Variants in LINGO2 observed in about 807,000 individuals in gnomAD.
LINGO2 encodes leucine rich repeat and Ig domain containing 2.
LINGO2 carries 14 observed loss-of-function variants against 30.6 expected under a neutral mutation model. That is an observed-to-expected ratio of 0.46 (90% CI 0.30 to 0.72). The LOEUF (loss-of-function observed/expected upper bound fraction) is 0.72, where lower values mean the gene tolerates loss of function less well. LINGO2 is among the 30% of genes least tolerant of loss of function. The probability of loss-of-function intolerance (pLI) is 0.07; values close to 1 mark genes in which losing one functional copy is unlikely to be tolerated. For synonymous variants in LINGO2, 317 were observed against 288.5 expected, an observed-to-expected ratio of 1.10 and a Z score of -1.00; for missense variants, 729 against 751.7, an observed-to-expected ratio of 0.97 and a Z score of 0.35.
chr9:29,085,658 A>C, the LINGO2 span, among the ~76,000 whole-genome samples: 3 of 152,286 alleles, frequency 2.0e-5, no homozygotes, highest in East Asian at 5.8e-4. Context: ...AGCCCTATCA[A>C]GCTAAATACT....
At chr9:28,679,222 T>C in the LINGO2 span, among the ~76,000 whole-genome samples, 2 of 152,112 alleles carry the variant, frequency 1.3e-5, no homozygotes, top group Non-Finnish European at 2.9e-5. Context: ...AAAATTCTAA[T>C]ATAATATTTC....
chr9:28,480,612 T>G (rs1825921928), intron 1 of LINGO2, among the ~76,000 whole-genome samples: 1 of 152,076 alleles, frequency 6.6e-6, no homozygotes, highest in Non-Finnish European at 1.5e-5. Context: ...TTCAGTAACT[T>G]TAATATCCTT....
the LINGO2 span, among the ~76,000 whole-genome samples, chr9:28,731,039 G>A: frequency 2.6e-5 from 4 of 151,700 alleles, no homozygotes; most frequent in Non-Finnish European, 4.4e-5. Flanking sequence ...TGCCCAGGCT[G>A]GAGGGCAATG....
At chr9:28,369,717 C>A (rs1298051070) in intron 3 of LINGO2, among the ~76,000 whole-genome samples, 6 of 152,084 alleles carry the variant, frequency 3.9e-5, no homozygotes, top group African/African-American at 9.7e-5. Flanking sequence ...AGAACTAGGG[C>A]TTAAGAAGAG....
chr9:28,838,125 G>A, the LINGO2 span, among the ~76,000 whole-genome samples: 4 of 152,038 alleles, frequency 2.6e-5, no homozygotes, highest in Non-Finnish European at 1.5e-5. Context: ...ATTATACTAA[G>A]ACATTATTTC....
chr9:28,877,594 C>A, the LINGO2 span, among the ~76,000 whole-genome samples: 2 of 152,220 alleles, frequency 1.3e-5, no homozygotes, highest in Admixed American at 1.3e-4. Flanking sequence ...GGGCTCTGTT[C>A]TGTTCCATTG....
intron 2 of LINGO2, among the ~76,000 whole-genome samples, chr9:28,450,893 A>C (rs2135070167): frequency 6.6e-6 from 1 of 152,112 alleles, no homozygotes; most frequent in African/African-American, 2.4e-5. Context: ...TAATAGTTGT[A>C]TTTAAATGGC....
At chr9:28,430,109 CGTGTGT>C (rs55989705) in intron 2 of LINGO2, among the ~76,000 whole-genome samples, 4 of 136,100 alleles carry the variant, frequency 2.9e-5, no homozygotes, top group South Asian at 2.2e-4. Flanking sequence ...CGCGCGCGCG[CGTGTGT>C]GTGTGTGTGT....
At chr9:29,037,278 T>C in the LINGO2 span, among the ~76,000 whole-genome samples, 1 of 151,848 alleles carries the variant, frequency 6.6e-6, no homozygotes, top group East Asian at 1.9e-4. Context: ...TTACTAAGAG[T>C]TGACTGAATT....
chr9:29,188,689 G>T, the LINGO2 span, among the ~76,000 whole-genome samples: 3 of 141,762 alleles, frequency 2.1e-5, no homozygotes, highest in African/African-American at 7.6e-5. Context: ...TGGGGCGGCT[G>T]GCCAGGCGGG....
chr9:28,600,597 G>A (rs1825419332), intron 1 of LINGO2, among the ~76,000 whole-genome samples: 1 of 152,102 alleles, frequency 6.6e-6, no homozygotes, highest in African/African-American at 2.4e-5. Context: ...GATGCAAAGT[G>A]TTTCCTGAGG....
chr9:28,036,828 C>T (rs1823959131), intron 4 of LINGO2, among the ~76,000 whole-genome samples: 1 of 152,122 alleles, frequency 6.6e-6, no homozygotes, highest in Admixed American at 6.5e-5. Context: ...TCAAAAGAAG[C>T]AGGAGAAGCC....
the LINGO2 span, among the ~76,000 whole-genome samples, chr9:28,730,320 C>T: frequency 6.6e-6 from 1 of 152,178 alleles, no homozygotes; most frequent in Non-Finnish European, 1.5e-5. Context: ...TGAGACTTAT[C>T]TGTTTAGGGC....
rs576414294 is a variant in LINGO2 at position 28,218,020 on chromosome 9, T to A, written c.-87+77188A>T. Among the ~76,000 whole-genome samples, 11 of 151,456 alleles carry A rather than the reference T, an allele frequency of 7.3e-5. No individual in the cohort carries two copies. The East Asian group carries it at 1.2e-3, about 16-fold the overall frequency. On this transcript the variant is annotated intron_variant, in intron 4 of 5. Transcript: ENST00000379992. ...TAAAATATAGATTAAACATAAAGTCTAATTTGGAAAGGGACAGAGATGAAG... is the reference window on the plus strand; with the variant it reads ...TAAAATATAGATTAAACATAAAGTCAAATTTGGAAAGGGACAGAGATGAAG...
At chr9:28,560,718 G>A (rs1462283594) in intron 1 of LINGO2, among the ~76,000 whole-genome samples, 1 of 151,826 alleles carries the variant, frequency 6.6e-6, no homozygotes, top group Non-Finnish European at 1.5e-5. Flanking sequence ...CCAGGTTGGA[G>A]TGCATTGGTG....
chr9:28,800,428 C>A, the LINGO2 span, among the ~76,000 whole-genome samples: 1 of 152,080 alleles, frequency 6.6e-6, no homozygotes, highest in African/African-American at 2.4e-5. Flanking sequence ...AGAGACTGTC[C>A]TTTTGCAAAT....
the LINGO2 span, among the ~76,000 whole-genome samples, chr9:29,067,028 G>T: frequency 1.1e-4 from 17 of 151,798 alleles, no homozygotes; most frequent in Admixed American, 1.1e-3. Context: ...AATCTAGGGA[G>T]AATAGAGAAA....
chr9:28,715,200 C>G, the LINGO2 span, among the ~76,000 whole-genome samples: 1 of 152,068 alleles, frequency 6.6e-6, no homozygotes. Flanking sequence ...ATATTGAAGC[C>G]ATTTAGGATA....
At chr9:28,701,589 T>C in the LINGO2 span, among the ~76,000 whole-genome samples, 1 of 152,004 alleles carries the variant, frequency 6.6e-6, no homozygotes, top group East Asian at 1.9e-4. Context: ...TCCTGTGACC[T>C]TGTTTTTTCT....
Sources: gnomAD v4.1 joint callset for allele counts (sites outside exome capture counted in the v4.1 genomes callset) on GRCh38, gnomAD v4.1.1 for gene constraint, MANE v1.5 for transcripts, NCBI Gene and HGNC (gene_info 2026-07-23, HGNC 2026-07-21) for gene names.